OXSR1: variants seen among roughly 807,000 people sequenced by gnomAD.
OXSR1 encodes serine/threonine-protein kinase OSR1.
Under a neutral mutation model 79.8 loss-of-function variants are expected in OXSR1, and 24 were observed. The observed-to-expected ratio is 0.30, with a 90% CI of 0.22 to 0.42. The LOEUF (loss-of-function observed/expected upper bound fraction) is 0.42. Ranked by LOEUF, OXSR1 falls within the 10% of genes least tolerant of loss-of-function variation. The pLI is 1.00. For missense variants in OXSR1, 430 were observed against 618.4 expected, an observed-to-expected ratio of 0.70 and a Z score of 3.23; for synonymous variants, 226 against 209.2, an observed-to-expected ratio of 1.08 and a Z score of -0.69.
intron 4 of OXSR1, among the ~76,000 whole-genome samples, chr3:38,199,331 A>G (rs953637755): frequency 6.6e-6 from 1 of 150,728 alleles, no homozygotes; most frequent in Non-Finnish European, 1.5e-5. Flanking sequence ...TAGCATGATC[A>G]TAACTCACTG....
chr3:38,239,023 A>C (rs1398744496), intron 11 of OXSR1, among the ~76,000 whole-genome samples: 1 of 151,904 alleles, frequency 6.6e-6, no homozygotes, highest in Non-Finnish European at 1.5e-5. Context: ...GGTAGCTTTC[A>C]AGTTTATTTA....
At position 38,252,363 on chromosome 3, in the gene OXSR1, C is replaced by G; in HGVS notation, c.1480C>G (p.Gln494Glu). 1 of 1,612,278 alleles carries G rather than the reference C, an allele frequency of 6.2e-7. No homozygotes were observed. Among genetic ancestry groups the G allele is most frequent in the South Asian group, 1.1e-5 (1 of 91,032 alleles). ...TTTGCAGAAAATTGTGGAAGAACCT[C>G]AGTCAAATCGATCTGTCACTTTCAA... is the stretch of plus-strand genomic sequence containing the variant. The part of the protein sequence containing the change: ...ANLQKIVEEP[Q>E]SNRSVTFKLA... Residue 494 changes from glutamine to glutamate, a missense_variant, in exon 17 of 18, where the codon CAG becomes GAG. By Grantham distance (29) the Gln-to-Glu change is conservative. This residue lies in a region of OXSR1 where 276 missense variants were observed against 354.2 expected (regional missense o/e 0.78). Coordinates refer to ENST00000311806, the MANE Select transcript of OXSR1 (RefSeq NM_005109.3).
chr3:38,181,828 A>ATTTT (rs369042373), intron 1 of OXSR1, among the ~76,000 whole-genome samples: 1 of 141,420 alleles, frequency 7.1e-6, no homozygotes, highest in Non-Finnish European at 1.6e-5. Flanking sequence ...ATGACATGTC[A>ATTTT]TTTTTTTTTT....
At chr3:38,207,314 C>G (rs1276168278) in intron 4 of OXSR1, among the ~76,000 whole-genome samples, 1 of 152,168 alleles carries the variant, frequency 6.6e-6, no homozygotes. Flanking sequence ...ATAGTCTGGG[C>G]ATAAATGACA....
chr3:38,224,627 T>A lies in OXSR1; in HGVS notation c.759T>A (p.Asp253Glu). Residue 253 changes from aspartate (D) to glutamate (E), a missense_variant, in exon 8 of 18, where the codon GAT becomes GAA. Physicochemically the swap from Asp to Glu is conservative, Grantham distance 45 (BLOSUM62 2). This residue lies in a region of OXSR1 where 276 missense variants were observed against 354.2 expected (regional missense o/e 0.78). Transcript: ENST00000311806. ...DPPSLETGVQ[D>E]KEMLKKYGKS... is the part of the protein sequence containing the mutation. ...CTTCTTTGGAAACTGGTGTTCAAGA[T>A]AAAGAAATGCTGAAAAAATATGGAA... 1 of 1,596,370 alleles carries A rather than the reference T, an allele frequency of 6.3e-7. No individual in the cohort carries two copies. Among genetic ancestry groups the A allele is most frequent in the South Asian group, 1.1e-5 (1 of 87,206 alleles).
intron 8 of OXSR1, among the ~76,000 whole-genome samples, chr3:38,228,168 C>CTGAAAGAACTT (rs1702730039): frequency 6.6e-6 from 1 of 152,138 alleles, no homozygotes; most frequent in South Asian, 2.1e-4. Flanking sequence ...GCTAGTCAGA[C>CTGAAAGAACTT]TATCATTCAA....
chr3:38,207,582 A>G (rs987295526), intron 4 of OXSR1, among the ~76,000 whole-genome samples: 3 of 152,174 alleles, frequency 2.0e-5, no homozygotes, highest in Non-Finnish European at 4.4e-5. Flanking sequence ...TGCTACTGAC[A>G]TGTAATGGGT....
At chr3:38,198,070 G>T (rs754245841) in intron 3 of OXSR1, among the ~76,000 whole-genome samples, 2 of 152,136 alleles carry the variant, frequency 1.3e-5, no homozygotes, top group African/African-American at 2.4e-5. Flanking sequence ...CTATATAGGT[G>T]TCTTTTCCTC....
At chr3:38,169,897 T>C (rs1328303133) in intron 1 of OXSR1, among the ~76,000 whole-genome samples, 1 of 152,052 alleles carries the variant, frequency 6.6e-6, no homozygotes, top group East Asian at 1.9e-4. Flanking sequence ...GTTTGGCTAA[T>C]TTTTGTGTTT....
At chr3:38,252,789 A>G in intron 17 of OXSR1, 28 bp from the exon 18 acceptor site, 1 of 1,572,822 alleles carries the variant, frequency 6.4e-7, no homozygotes, top group Non-Finnish European at 8.8e-7. Context: ...ATAAATAATC[A>G]CAGTTTCTCA....
At chr3:38,214,053 C>A (rs781423862) in intron 4 of OXSR1, among the ~76,000 whole-genome samples, 1 of 151,942 alleles carries the variant, frequency 6.6e-6, no homozygotes. Flanking sequence ...TTGACTGTAA[C>A]ATATTAGTTT....
In OXSR1 at chr3:38,245,956, C is replaced by T. The variant is rs1703132743; in HGVS notation, c.1111-119C>T. On this transcript the variant is annotated intron_variant, in intron 12 of 17. Coordinates refer to ENST00000311806, the MANE Select transcript of OXSR1 (RefSeq NM_005109.3). ...AGATATATTCGGAGTAGACACAAAA[C>T]CTGTACACTACCCAAAAACTACTTT... The T allele has an allele frequency of 9.6e-6, 8 of 833,892 alleles. No individual in the cohort carries two copies. The South Asian group carries it at 1.2e-4, about 13-fold the overall frequency. The allele number at this position is 833,892 out of a possible 1,614,324, so 51.7% of individuals were successfully genotyped here. A position where few individuals can be genotyped will look rare whatever the true frequency, so the allele number is the denominator to read the frequency against.
chr3:38,240,446 G>C (rs1703008135), intron 11 of OXSR1, among the ~76,000 whole-genome samples: 1 of 141,432 alleles, frequency 7.1e-6, no homozygotes. Flanking sequence ...GTATGTGTGT[G>C]AATGTGTGTG....
At chr3:38,208,658 T>A (rs1702316984) in intron 4 of OXSR1, among the ~76,000 whole-genome samples, 1 of 152,178 alleles carries the variant, frequency 6.6e-6, no homozygotes, top group African/African-American at 2.4e-5. Context: ...ATCCCAGCAC[T>A]TTGGGAGGTT....
At chr3:38,164,821 C>T (rs1200300780), upstream of OXSR1, among the ~76,000 whole-genome samples, 2 of 152,144 alleles carry the variant, frequency 1.3e-5, no homozygotes, top group Admixed American at 1.3e-4. Context: ...GGTGGACCCG[C>T]GAGAGACAGC....
At chr3:38,164,379 C>A (rs1701385823), upstream of OXSR1, among the ~76,000 whole-genome samples, 1 of 152,174 alleles carries the variant, frequency 6.6e-6, no homozygotes, top group South Asian at 2.1e-4. Flanking sequence ...CTCCTGACCT[C>A]AGGTGGTCCG....
At chr3:38,165,345 C>A (rs542579462), upstream of OXSR1, 1 of 154,542 alleles carries the variant, frequency 6.5e-6, no homozygotes, top group African/African-American at 2.4e-5. Context: ...TTTTCGATGC[C>A]TTCGATGAAC....
intron 10 of OXSR1, among the ~76,000 whole-genome samples, chr3:38,234,253 A>AT (rs1222568046): frequency 1.3e-5 from 2 of 152,224 alleles, no homozygotes; most frequent in African/African-American, 4.8e-5. Context: ...AGGTAAATTG[A>AT]TTTTATCAAA....
intron 11 of OXSR1, among the ~76,000 whole-genome samples, chr3:38,237,174 C>G (rs1326534654): frequency 6.7e-6 from 1 of 149,930 alleles, no homozygotes; most frequent in Non-Finnish European, 1.5e-5. Context: ...CCAAATCTAC[C>G]AAATCTAGAG....
Sources: allele counts gnomAD v4.1 joint callset (sites outside exome capture counted in the v4.1 genomes callset), GRCh38; gene constraint gnomAD v4.1.1; regional missense constraint gnomAD v4.1.1; transcripts MANE v1.5; gene names NCBI Gene and HGNC (gene_info 2026-07-23, HGNC 2026-07-21).